Variants in CRB1 observed in about 807,000 individuals in gnomAD.
CRB1 encodes the protein protein crumbs homolog 1.
In CRB1, 83 loss-of-function variants were observed where a neutral mutation model predicts 120.0. The ratio of observed to expected loss-of-function variants is 0.69; its 90% CI spans 0.58 to 0.83. The LOEUF (loss-of-function observed/expected upper bound fraction) is 0.83, where lower values mean the gene tolerates loss of function less well. Ranked by LOEUF, CRB1 falls within the 40% of genes least tolerant of loss-of-function variation. CRB1 has a pLI of 0.00. For missense variants in CRB1, 1,699 were observed against 1,687.6 expected (o/e 1.01, Z -0.12); for synonymous variants, 625 against 612.5 (o/e 1.02, Z -0.30).
chr1:197,434,368 A>G (rs2125498120), intron 8 of CRB1, among the ~76,000 whole-genome samples: 1 of 152,256 alleles, frequency 6.6e-6, no homozygotes, highest in South Asian at 2.1e-4. Context: ...ATGCATTAGG[A>G]TTTCACTGGA....
chr1:197,420,897 G>A (rs1664268396), intron 5 of CRB1, 103 bp from the exon 6 acceptor site: 6 of 817,532 alleles, frequency 7.3e-6, no homozygotes, highest in African/African-American at 1.7e-5. Flanking sequence ...TCCTAAACCT[G>A]AGCTATTCAT....
chr1:197,289,121 C>A (rs936675743), intron 1 of CRB1, among the ~76,000 whole-genome samples: 1 of 151,128 alleles, frequency 6.6e-6, no homozygotes, highest in African/African-American at 2.4e-5. Flanking sequence ...AGAGACAGAC[C>A]AAAAAAACAA....
At chr1:197,332,167 A>G (rs1658897283) in intron 2 of CRB1, among the ~76,000 whole-genome samples, 1 of 151,994 alleles carries the variant, frequency 6.6e-6, no homozygotes, top group Admixed American at 6.5e-5. Flanking sequence ...AAAACAAAAC[A>G]AACAAAAAAA....
intron 11 of CRB1, chr1:197,477,418 A>G (rs1667242195): frequency 3.6e-6 from 2 of 557,998 alleles, no homozygotes; most frequent in Admixed American, 2.4e-5. Context: ...TAAGAGACTG[A>G]GCAAATATAG....
At chr1:197,242,490 C>T in the CRB1 span, among the ~76,000 whole-genome samples, 1,091 of 152,164 alleles carry the variant, frequency 7.2e-3, 11 homozygotes, top group African/African-American at 0.024. Context: ...TATTGATTTG[C>T]ACATGTTGAA....
chr1:197,223,270 A>G, the CRB1 span: 1 of 920,132 alleles, frequency 1.1e-6, no homozygotes, highest in Admixed American at 1.9e-5. Flanking sequence ...TCCTTGTGCC[A>G]GAATTAGAAA....
At chr1:197,227,712 C>T in the CRB1 span, among the ~76,000 whole-genome samples, 1 of 152,038 alleles carries the variant, frequency 6.6e-6, no homozygotes, top group Admixed American at 6.5e-5. Flanking sequence ...CCTAGTGGAG[C>T]CCCCACACAG....
At chr1:197,285,650 C>T (rs1272693372) in intron 1 of CRB1, among the ~76,000 whole-genome samples, 1 of 151,800 alleles carries the variant, frequency 6.6e-6, no homozygotes, top group South Asian at 2.1e-4. Context: ...CTTGAGGCAT[C>T]GCAGTCCAGA....
the CRB1 span, among the ~76,000 whole-genome samples, chr1:197,226,225 G>T: frequency 1.3e-5 from 2 of 152,140 alleles, no homozygotes; most frequent in African/African-American, 4.8e-5. Flanking sequence ...ATTCTACCAT[G>T]AGGTCATCAA....
chr1:197,442,928 C>A (rs1395452911), intron 11 of CRB1: 1 of 156,408 alleles, frequency 6.4e-6, no homozygotes, highest in African/African-American at 2.4e-5. Context: ...AGTTTGAGAC[C>A]AGCCTAGCCA....
the CRB1 span, chr1:197,222,339 G>T: frequency 1.2e-5 from 9 of 738,818 alleles, no homozygotes; most frequent in Non-Finnish European, 2.0e-5. Context: ...GTGAATCCCA[G>T]ACGTGGCTGC....
intron 5 of CRB1, among the ~76,000 whole-genome samples, chr1:197,399,102 A>G (rs1558108137): frequency 6.6e-6 from 1 of 152,166 alleles, no homozygotes; most frequent in East Asian, 1.9e-4. Context: ...CCTCCATGAA[A>G]TGATTCAGAT....
chr1:197,233,659 C>T, the CRB1 span, among the ~76,000 whole-genome samples: 2 of 152,180 alleles, frequency 1.3e-5, no homozygotes, highest in Non-Finnish European at 2.9e-5. Context: ...TCAAGAGCCA[C>T]GTAGGTGGGA....
intron 1 of CRB1, among the ~76,000 whole-genome samples, chr1:197,321,543 A>G (rs1161651367): frequency 1.3e-5 from 2 of 152,192 alleles, no homozygotes; most frequent in Non-Finnish European, 2.9e-5. Flanking sequence ...AGCAAAGCAA[A>G]CAATCATCAT....
chr1:197,228,333 C>T, the CRB1 span, among the ~76,000 whole-genome samples: 1 of 152,284 alleles, frequency 6.6e-6, no homozygotes, highest in African/African-American at 2.4e-5. Context: ...TTTAACAGCA[C>T]CCAAGTCACC....
At chr1:197,293,868 A>G (rs1381076185) in intron 1 of CRB1, among the ~76,000 whole-genome samples, 1 of 152,202 alleles carries the variant, frequency 6.6e-6, no homozygotes, top group Non-Finnish European at 1.5e-5. Flanking sequence ...ATATGTAGAA[A>G]GCTGAAACTG....
the CRB1 span, chr1:197,222,935 G>T: frequency 6.2e-6 from 6 of 966,950 alleles, no homozygotes; most frequent in South Asian, 3.8e-5. Context: ...TCCTGTTGAC[G>T]CTCTGCAAGA....
chr1:197,329,885 A>AT (rs1254286876), intron 2 of CRB1, among the ~76,000 whole-genome samples: 8 of 152,068 alleles, frequency 5.3e-5, no homozygotes, highest in African/African-American at 1.9e-4. Context: ...TTTTAATACC[A>AT]TGTTCTCCCT....
the CRB1 span, chr1:197,222,128 G>T: frequency 2.8e-6 from 1 of 354,564 alleles, no homozygotes; most frequent in East Asian, 6.6e-5. Flanking sequence ...GTCAGGATGA[G>T]TCCTAATGCC....
Sources: gnomAD v4.1 joint callset for allele counts (sites outside exome capture counted in the v4.1 genomes callset) on GRCh38, gnomAD v4.1.1 for gene constraint, MANE v1.5 for transcripts, NCBI Gene and HGNC (gene_info 2026-07-23, HGNC 2026-07-21) for gene names.